FBXW10: variants seen among roughly 807,000 people sequenced by gnomAD.
The protein encoded by FBXW10 is F-box and WD repeat domain containing 10.
Under a neutral mutation model 113.1 loss-of-function variants are expected in FBXW10, and 68 were observed. The ratio of observed to expected loss-of-function variants is 0.60; its 90% CI spans 0.49 to 0.74. The LOEUF (loss-of-function observed/expected upper bound fraction) is 0.74. Among genes scored for constraint, FBXW10 ranks in the 30% least tolerant of loss-of-function variants. The pLI, the probability that FBXW10 is intolerant of heterozygous loss-of-function variation, is 0.00. For synonymous variants in FBXW10, 289 were observed against 481.6 expected (o/e 0.60, Z 5.24); for missense variants, 753 against 1,284.5 (o/e 0.59, Z 6.32).
intron 1 of FBXW10, among the ~76,000 whole-genome samples, chr17:18,746,788 C>T (rs1449357448): frequency 1.3e-5 from 2 of 152,172 alleles, no homozygotes; most frequent in Admixed American, 6.5e-5. Context: ...CTGCCAGCAG[C>T]GGAAGGCCTG....
At chr17:18,765,884 G>A (rs530261392) in intron 8 of FBXW10, among the ~76,000 whole-genome samples, 165 of 151,082 alleles carry the variant, frequency 1.1e-3, no homozygotes, top group African/African-American at 3.8e-3. Context: ...ACGCCACCAC[G>A]CCCAGCTAAT....
chr17:18,771,443 GA>G (rs1199765979), intron 11 of FBXW10, among the ~76,000 whole-genome samples: 3 of 152,182 alleles, frequency 2.0e-5, no homozygotes, highest in African/African-American at 7.2e-5. Context: ...GGGGGCACAG[GA>G]AGGGGACAGG....
At position 18,766,708 on chromosome 17, in the gene FBXW10, G is replaced by A. The variant is rs12940935; in HGVS notation, c.1556-6G>A. 7 of 1,613,522 alleles carry A rather than the reference G, an allele frequency of 4.3e-6. No individual in the cohort carries two copies. In the East Asian group the frequency reaches 1.1e-4, roughly 26 times the overall value. ...CCATGTCTTCCTCTCTCTCCCTCCT[G>A]TTCAGTATGGGATGTAGACACAGGG... is the stretch of plus-strand genomic sequence containing the variant. On this transcript the variant is annotated splice_region_variant and splice_polypyrimidine_tract_variant and intron_variant, in intron 8 of 13. Coordinates refer to ENST00000395665, the MANE Select transcript of FBXW10 (RefSeq NM_001267585.2).
At position 18,765,750 on chromosome 17, in the gene FBXW10, T is replaced by TG. The variant is rs539681050; in HGVS notation, c.1555+889dup. Among the ~76,000 whole-genome samples the TG allele has an allele frequency of 2.0e-4, 30 of 152,250 alleles. 1 individual carries two copies. The highest frequency in any genetic ancestry group is 7.2e-4 in the African/African-American group (30 of 41,546). ...CAACTTCTTCCTTTTTTTTTTGAGA[T>TG]GGAGTCTTGCTCTGTGGCCAGGTTA... On this transcript the variant is annotated intron_variant, in intron 8 of 13. Coordinates refer to ENST00000395665, the MANE Select transcript of FBXW10 (RefSeq NM_001267585.2).
intron 7 of FBXW10, among the ~76,000 whole-genome samples, chr17:18,762,318 CTTTT>C (rs879044366): frequency 1.5e-5 from 2 of 136,706 alleles, no homozygotes. Context: ...AATATATTAT[CTTTT>C]TTTTTTTTTT....
intron 2 of FBXW10, 81 bp downstream of exon 2, chr17:18,748,186 G>A (rs2035080608): frequency 1.3e-5 from 20 of 1,578,820 alleles, no homozygotes; most frequent in Middle Eastern, 1.7e-4. Flanking sequence ...TTGGGAGGCC[G>A]AGGCAAGCAG....
Position 18,772,530 on chromosome 17 carries a change from GA to G in FBXW10, c.2129del (p.Asn710IlefsTer27). ...TAAGGAGAAAGAGGAGGAAAAAGAA[GA>G]AAATAGTCTCATGGAAATTCTCTCT... is the stretch of plus-strand genomic sequence containing the variant. ...KNKEKEEEKE[E>X]NSLMEILSKC... is the part of the protein sequence containing the mutation. On this transcript the variant is annotated frameshift_variant, in exon 12 of 14. Coordinates refer to ENST00000395665, the MANE Select transcript of FBXW10 (RefSeq NM_001267585.2). LOFTEE classifies it high-confidence loss of function. The G allele has an allele frequency of 6.2e-7, 1 of 1,614,102 alleles. No homozygotes were observed. Among genetic ancestry groups the G allele is most frequent in the Non-Finnish European group, 8.5e-7 (1 of 1,179,952 alleles).
intron 7 of FBXW10, among the ~76,000 whole-genome samples, chr17:18,763,651 A>G (rs2035430208): frequency 6.6e-6 from 1 of 152,204 alleles, no homozygotes; most frequent in African/African-American, 2.4e-5. Context: ...GGAAGCATCA[A>G]TGGCAGTTGA....
chr17:18,768,051 C>CTTCCTTCCTTCCTTCCTTCT (rs1257481213), intron 9 of FBXW10, among the ~76,000 whole-genome samples: 13 of 91,778 alleles, frequency 1.4e-4, no homozygotes, highest in South Asian at 8.7e-4. Flanking sequence ...TCCTTCCTTC[C>CTTCCTTCCTTCCTTCCTTCT]TTCTTTCTTT....
intron 13 of FBXW10, among the ~76,000 whole-genome samples, chr17:18,776,237 C>T (rs887981315): frequency 2.6e-5 from 4 of 151,728 alleles, no homozygotes; most frequent in African/African-American, 9.7e-5. Flanking sequence ...AGGGGAATTG[C>T]TTGAACCAGA....
intron 5 of FBXW10, 96 bp downstream of exon 5, chr17:18,751,149 A>G: frequency 6.5e-7 from 1 of 1,530,470 alleles, no homozygotes; most frequent in Non-Finnish European, 8.9e-7. Flanking sequence ...GAGTGAGGAC[A>G]GAGGATCACG....
In FBXW10 at chr17:18,768,515, G is replaced by A. The variant is rs151142904; in HGVS notation, c.1705-19G>A. 815 of 1,613,858 alleles carry A rather than the reference G, an allele frequency of 5.1e-4. No individual in the cohort carries two copies. Among genetic ancestry groups the A allele is most frequent in the Admixed American group, 1.5e-3 (92 of 59,976 alleles). ...GGAGTCACAGTCTGAGTTGAAGACA[G>A]TGGTATCTTTTCTTGCAGACTCTCA... On this transcript the variant is annotated intron_variant, in intron 9 of 13. Transcript: ENST00000395665.
chr17:18,770,799 G>C lies in FBXW10; in HGVS notation c.2006+714G>C, dbSNP rs562864917. 1.6e-4 allele frequency among the ~76,000 whole-genome samples: 25 copies of C among 152,260 alleles called. No individual in the cohort carries two copies. The South Asian group carries it at 4.6e-3, about 28-fold the overall frequency. On this transcript the variant is annotated intron_variant, in intron 11 of 13. Transcript: ENST00000395665. ...AAGAGACATTATAGGAGAGTGGAGGGTGGCAGCAGCAGGGGGTACAGTGGG... is the reference window on the plus strand; with the variant it reads ...AAGAGACATTATAGGAGAGTGGAGGCTGGCAGCAGCAGGGGGTACAGTGGG...
intron 9 of FBXW10, 64 bp from the exon 10 acceptor site, chr17:18,768,470 C>T: frequency 6.3e-7 from 1 of 1,594,260 alleles, no homozygotes. Flanking sequence ...TCTGAAGAAG[C>T]CTCAGCTTTG....
Position 18,749,822 on chromosome 17 carries a change from A to G in FBXW10, c.771A>G (p.Leu257=), listed in dbSNP as rs139842854. 2 of 1,614,136 alleles carry G rather than the reference A, an allele frequency of 1.2e-6. No individual in the cohort carries two copies. Among genetic ancestry groups the G allele is most frequent in the Non-Finnish European group, 1.7e-6 (2 of 1,180,020 alleles). The stretch of plus-strand genomic sequence containing the variant: ...AGCCAGGGTACGATCCCTGCAATCT[A>G]TTGGTTGACCTGGATGACATCAGAG... ...ITKPGYDPCN[L]LVDLDDIRDL... The change falls in exon 3 of 14, where the codon CTA becomes CTG. Residue 257 remains leucine, a synonymous_variant. Coordinates refer to ENST00000395665, the MANE Select transcript of FBXW10 (RefSeq NM_001267585.2).
chr17:18,768,026 T>TCTTC (rs72275127), intron 9 of FBXW10, among the ~76,000 whole-genome samples: 3,374 of 135,762 alleles, frequency 0.025, 74 homozygotes, highest in Non-Finnish European at 0.032. Context: ...TTCCTTCCTT[T>TCTTC]CTTCCTTCCT....
intron 7 of FBXW10, among the ~76,000 whole-genome samples, chr17:18,760,452 T>C (rs537711081): frequency 4.6e-5 from 7 of 152,380 alleles, no homozygotes; most frequent in Admixed American, 6.5e-5. Flanking sequence ...AATACCCTCT[T>C]GCCAGGACTA....
chr17:18,766,263 A>G (rs2151819132), intron 8 of FBXW10, among the ~76,000 whole-genome samples: 1 of 152,198 alleles, frequency 6.6e-6, no homozygotes, highest in Non-Finnish European at 1.5e-5. Flanking sequence ...GGTCAGGAAG[A>G]CAACATCTGG....
chr17:18,777,068 T>G (rs1360515998), intron 13 of FBXW10, among the ~76,000 whole-genome samples: 1 of 150,304 alleles, frequency 6.7e-6, no homozygotes, highest in Non-Finnish European at 1.5e-5. Context: ...CTCAGTTTTT[T>G]TTTTTTTTTT....
Sources: allele counts gnomAD v4.1 joint callset (sites outside exome capture counted in the v4.1 genomes callset), GRCh38; gene constraint gnomAD v4.1.1; transcripts MANE v1.5; gene names NCBI Gene and HGNC (gene_info 2026-07-23, HGNC 2026-07-21).